SH3BP4: variants seen among roughly 807,000 people sequenced by gnomAD.
The protein encoded by SH3BP4 is SH3 domain-binding protein 4.
In SH3BP4, 33 loss-of-function variants were observed where a neutral mutation model predicts 65.5. The observed-to-expected ratio is 0.50, with a 90% CI of 0.38 to 0.67. SH3BP4 has a LOEUF of 0.67. Ranked by LOEUF, SH3BP4 falls within the 30% of genes least tolerant of loss-of-function variation. The probability of loss-of-function intolerance (pLI) is 0.00; values close to 1 mark genes in which losing one functional copy is unlikely to be tolerated. For missense variants in SH3BP4, 1,134 were observed against 1,261.4 expected (o/e 0.90, Z 1.53); for synonymous variants, 552 against 545.5 (o/e 1.01, Z -0.17).
chr2:234,999,701 G>C (rs922278171), intron 2 of SH3BP4, among the ~76,000 whole-genome samples: 2 of 152,178 alleles, frequency 1.3e-5, no homozygotes, highest in African/African-American at 4.8e-5. Flanking sequence ...GACTAAAAAG[G>C]AATCTAAGAC....
At chr2:234,996,143 T>C (rs1693910609) in intron 2 of SH3BP4, 3 of 152,170 alleles carry the variant, frequency 2.0e-5, no homozygotes, top group Admixed American at 1.3e-4. Context: ...ATACAAGTCT[T>C]TCCCCACCAA....
intron 2 of SH3BP4, among the ~76,000 whole-genome samples, chr2:235,003,709 C>T (rs1443584361): frequency 1.3e-5 from 2 of 152,132 alleles, no homozygotes; most frequent in Non-Finnish European, 2.9e-5. Flanking sequence ...CAGTCACGCT[C>T]CTATGCAGGG....
At chr2:234,989,857 T>C (rs1223367493) in intron 1 of SH3BP4, among the ~76,000 whole-genome samples, 1 of 152,208 alleles carries the variant, frequency 6.6e-6, no homozygotes. Flanking sequence ...AGTTTGCCTC[T>C]GGGTTGGACA....
intron 1 of SH3BP4, among the ~76,000 whole-genome samples, chr2:234,956,042 G>T (rs1692579911): frequency 6.6e-6 from 1 of 152,186 alleles, no homozygotes; most frequent in Non-Finnish European, 1.5e-5. Flanking sequence ...GCAAATAGCG[G>T]AGTGCCAGCC....
chr2:234,985,376 CA>C (rs1693515223), intron 1 of SH3BP4, among the ~76,000 whole-genome samples: 1 of 152,084 alleles, frequency 6.6e-6, no homozygotes, highest in African/African-American at 2.4e-5. Flanking sequence ...GGGAGAAAGT[CA>C]AAAGTGTGCG....
rs1393743428 is a variant in SH3BP4 at position 235,054,235 on chromosome 2, T to C, written c.*419T>C. On this transcript the variant is annotated 3_prime_UTR_variant, in exon 6 of 6. Coordinates refer to ENST00000392011, the MANE Select transcript of SH3BP4 (RefSeq NM_014521.3). ...ATGTATATAGGTATTTAAAGGTCAC[T>C]GGGAGCGTTTCTGATTCCCGGCCAC... 6.3e-6 allele frequency: 1 copy of C among 158,560 alleles called. No individual in the cohort carries two copies. Among genetic ancestry groups the C allele is most frequent in the East Asian group, 1.8e-4 (1 of 5,564 alleles). The allele number at this position is 158,560 out of a possible 1,614,324, so 9.8% of individuals were successfully genotyped here. A position where few individuals can be genotyped will look rare whatever the true frequency, so the allele number is the denominator to read the frequency against.
chr2:235,052,807 AC>A lies in SH3BP4; in HGVS notation c.2667+60del. The A allele has an allele frequency of 6.8e-7, 1 of 1,465,670 alleles. No homozygotes were observed. The highest frequency in any genetic ancestry group is 1.3e-5 in the South Asian group (1 of 77,390). 90.8% of individuals were successfully genotyped at this position (1,465,670 alleles called of 1,614,324 possible). A position where few individuals can be genotyped will look rare whatever the true frequency, so the allele number is the denominator to read the frequency against. ...GCCCCTCTGTCCCTGGGTTCCGTGG[AC>A]CCATGCAGTGCAGCCATAAAAAGTC... On this transcript the variant is annotated intron_variant, in intron 5 of 5. Coordinates refer to ENST00000392011, the MANE Select transcript of SH3BP4 (RefSeq NM_014521.3). This position sits in a 1 kb window ranked among gnomAD's most constrained non-coding sequence, Gnocchi z 5.0.
intron 1 of SH3BP4, among the ~76,000 whole-genome samples, chr2:234,982,802 C>T (rs1412912947): frequency 2.6e-5 from 4 of 152,058 alleles, no homozygotes; most frequent in South Asian, 4.1e-4. Flanking sequence ...AGTCTGTCCA[C>T]GTGGGGTAGG....
intron 2 of SH3BP4, among the ~76,000 whole-genome samples, chr2:235,016,030 A>G (rs1694675942): frequency 6.6e-6 from 1 of 150,964 alleles, no homozygotes; most frequent in Non-Finnish European, 1.5e-5. Context: ...TTTGGCTGGG[A>G]TTAAGAAGCT....
In SH3BP4 at chr2:235,045,915, A is replaced by T. The variant is rs991181549; in HGVS notation, c.2478+2668A>T. ...GAAAATGTGAGAGTTTGAGACAGTC[A>T]GTGTGCAGGGAGATGGGAAGGAAAA... On this transcript the variant is annotated intron_variant, in intron 4 of 5. Transcript: ENST00000392011. This position sits in a 1 kb window ranked among gnomAD's most constrained non-coding sequence, Gnocchi z 4.3. Among the ~76,000 whole-genome samples the T allele has an allele frequency of 1.3e-5, 2 of 152,204 alleles. No homozygotes were observed. Among genetic ancestry groups the T allele is most frequent in the Non-Finnish European group, 2.9e-5 (2 of 68,038 alleles).
intron 2 of SH3BP4, among the ~76,000 whole-genome samples, chr2:235,013,774 C>G (rs1418609214): frequency 6.6e-6 from 1 of 152,156 alleles, no homozygotes; most frequent in Non-Finnish European, 1.5e-5. Context: ...GTTCCAGTAT[C>G]TTAGTGAAAG....
chr2:235,026,011 T>G lies in SH3BP4; in HGVS notation c.-132-8860T>G, dbSNP rs1363029545. Among the ~76,000 whole-genome samples the G allele has an allele frequency of 6.6e-6, 1 of 152,100 alleles. No individual in the cohort carries two copies. On this transcript the variant is annotated intron_variant, in intron 2 of 5. Coordinates refer to ENST00000392011, the MANE Select transcript of SH3BP4 (RefSeq NM_014521.3). This position sits in a 1 kb window ranked among gnomAD's most constrained non-coding sequence, Gnocchi z 4.6. ...AGCTTAGAATGTCTCCCACAGACTG[T>G]GGGGGCCTCTGAAGAGTCTGAAGTA... is the stretch of plus-strand genomic sequence containing the variant.
intron 1 of SH3BP4, among the ~76,000 whole-genome samples, chr2:234,957,950 T>G (rs2106238541): frequency 6.6e-6 from 1 of 152,164 alleles, no homozygotes; most frequent in South Asian, 2.1e-4. Context: ...CCCCAACAGG[T>G]CTGTCCTCCT....
chr2:235,022,168 G>T (rs1300759467), intron 2 of SH3BP4, among the ~76,000 whole-genome samples: 4 of 152,170 alleles, frequency 2.6e-5, no homozygotes, highest in African/African-American at 7.2e-5. Flanking sequence ...AGCACAGAGT[G>T]GGGGAGATAT....
intron 3 of SH3BP4, among the ~76,000 whole-genome samples, chr2:235,040,524 CTT>C (rs1695597335): frequency 6.6e-6 from 1 of 150,980 alleles, no homozygotes; most frequent in African/African-American, 2.4e-5. Context: ...TTCAGTTTCT[CTT>C]TGTATCTAGT....
intron 2 of SH3BP4, among the ~76,000 whole-genome samples, chr2:235,007,845 C>T (rs548504728): frequency 1.3e-5 from 2 of 152,296 alleles, no homozygotes; most frequent in East Asian, 3.9e-4. Context: ...TAGCCATGCC[C>T]AGGGTGGACT....
At chr2:234,966,122 TAA>T (rs1692830335) in intron 1 of SH3BP4, among the ~76,000 whole-genome samples, 1 of 152,188 alleles carries the variant, frequency 6.6e-6, no homozygotes, top group Non-Finnish European at 1.5e-5. Context: ...CTCACACCTG[TAA>T]TCCCAACACT....
intron 2 of SH3BP4, among the ~76,000 whole-genome samples, chr2:235,015,630 G>T (rs1458823657): frequency 6.6e-6 from 1 of 152,200 alleles, no homozygotes; most frequent in Non-Finnish European, 1.5e-5. Context: ...GCTCACTCTG[G>T]TGAGCCAGCG....
chr2:235,011,782 G>C (rs1295653611), intron 2 of SH3BP4, among the ~76,000 whole-genome samples: 1 of 152,218 alleles, frequency 6.6e-6, no homozygotes, highest in Non-Finnish European at 1.5e-5. Flanking sequence ...GAAATGAGAA[G>C]GATATGAGCA....
Sources: gnomAD v4.1 joint callset for allele counts (sites outside exome capture counted in the v4.1 genomes callset) on GRCh38, gnomAD v4.1.1 for gene constraint, Gnocchi (gnomAD v3.1) non-coding constraint, MANE v1.5 for transcripts, NCBI Gene and HGNC (gene_info 2026-07-23, HGNC 2026-07-21) for gene names.